The following NVL variants were observed in gnomAD, a reference collection of about 807,000 sequenced individuals.
NVL encodes the protein nuclear valosin-containing protein-like.
A neutral mutation model predicts 110.2 loss-of-function variants in NVL; 84 were observed. The observed-to-expected ratio is 0.76, with a 90% CI of 0.64 to 0.91. NVL has a LOEUF of 0.91. Among genes scored for constraint, NVL ranks in the 40% least tolerant of loss-of-function variants. The pLI is 0.00. For synonymous variants in NVL, 354 were observed against 361.1 expected (o/e 0.98, Z 0.22); for missense variants, 882 against 1,035.9 (o/e 0.85, Z 2.04).
intron 2 of NVL, among the ~76,000 whole-genome samples, chr1:224,319,905 T>G (rs1431428814): frequency 6.6e-6 from 1 of 152,124 alleles, no homozygotes; most frequent in Admixed American, 6.6e-5. Context: ...GCTTCTTTGG[T>G]TTTCCTTCCA....
At chr1:224,274,058 A>ACACACACACACACACC (rs569757319) in intron 17 of NVL, among the ~76,000 whole-genome samples, 37 of 151,452 alleles carry the variant, frequency 2.4e-4, no homozygotes, top group Middle Eastern at 3.2e-3. Flanking sequence ...ACACACACAC[A>ACACACACACACACACC]CCCATATTGA....
At chr1:224,300,467 G>A in intron 10 of NVL, 95 bp downstream of exon 10, 1 of 727,462 alleles carries the variant, frequency 1.4e-6, no homozygotes, top group Non-Finnish European at 2.2e-6. Flanking sequence ...AATGGCCAGT[G>A]AGTGGGTTAA....
At position 224,251,207 on chromosome 1, in the gene NVL, G is replaced by C. The variant is rs574466416; in HGVS notation, c.2183-889C>G. Among the ~76,000 whole-genome samples the C allele has an allele frequency of 4.1e-5, 6 of 145,928 alleles. No individual in the cohort carries two copies. The South Asian group carries it at 1.3e-3, about 32-fold the overall frequency. ...GAAAATTGCTTGAGCCTGGGAGATG[G>C]AGGTTGCAGTGAGCTGAGATCGTGC... On this transcript the variant is annotated intron_variant, in intron 18 of 22. Coordinates refer to ENST00000281701, the MANE Select transcript of NVL (RefSeq NM_002533.4).
intron 19 of NVL, among the ~76,000 whole-genome samples, chr1:224,249,375 C>T (rs1662211578): frequency 6.6e-6 from 1 of 152,176 alleles, no homozygotes; most frequent in Admixed American, 6.5e-5. Context: ...ATCCACCTGC[C>T]TTGGCTTCCC....
At chr1:224,320,600 T>C (rs1055658550) in intron 2 of NVL, among the ~76,000 whole-genome samples, 6 of 150,794 alleles carry the variant, frequency 4.0e-5, no homozygotes, top group Non-Finnish European at 8.8e-5. Context: ...TGGGCAGACA[T>C]CACACCACCA....
At chr1:224,282,405 G>C (rs1324141450) in intron 15 of NVL, among the ~76,000 whole-genome samples, 1 of 152,154 alleles carries the variant, frequency 6.6e-6, no homozygotes, top group Non-Finnish European at 1.5e-5. Context: ...TATAGCCCTA[G>C]TTTGGAATTC....
chr1:224,297,788 C>T (rs2102671729), intron 10 of NVL: 1 of 152,970 alleles, frequency 6.5e-6, no homozygotes, highest in Admixed American at 6.5e-5. Flanking sequence ...TGGCTCATGC[C>T]TGTAATCCCA....
chr1:224,231,135 A>G (rs1285804655), intron 22 of NVL, 91 bp downstream of exon 22: 1 of 751,462 alleles, frequency 1.3e-6, no homozygotes, highest in Non-Finnish European at 2.1e-6. Flanking sequence ...TCCGTCTCAA[A>G]AAAAAAAAAA....
At chr1:224,253,205 C>G (rs1463907678) in intron 18 of NVL, among the ~76,000 whole-genome samples, 1 of 151,716 alleles carries the variant, frequency 6.6e-6, no homozygotes, top group Non-Finnish European at 1.5e-5. Flanking sequence ...CCCCTGCCCC[C>G]CACGCCCGGC....
intron 20 of NVL, among the ~76,000 whole-genome samples, chr1:224,234,221 C>T (rs1471471748): frequency 1.3e-5 from 2 of 152,118 alleles, no homozygotes; most frequent in Non-Finnish European, 2.9e-5. Flanking sequence ...TGAGTCAGCA[C>T]AGTTCTGAGT....
intron 10 of NVL, among the ~76,000 whole-genome samples, chr1:224,299,602 G>A (rs1052175023): frequency 6.6e-6 from 1 of 152,142 alleles, no homozygotes; most frequent in African/African-American, 2.4e-5. Context: ...TATTCATCGT[G>A]TTTACCATAC....
intron 1 of NVL, among the ~76,000 whole-genome samples, chr1:224,329,831 G>C (rs1671507074): frequency 6.6e-6 from 1 of 152,088 alleles, no homozygotes; most frequent in Non-Finnish European, 1.5e-5. Context: ...CAGACAACTT[G>C]GGCAGCCCTA....
chr1:224,330,020 T>C, intron 1 of NVL, 51 bp downstream of exon 1: 1 of 1,582,170 alleles, frequency 6.3e-7, no homozygotes. Context: ...AGTGGCACCC[T>C]GGGGCAGCGA....
intron 12 of NVL, among the ~76,000 whole-genome samples, chr1:224,291,551 A>T (rs1667380888): frequency 1.3e-5 from 2 of 152,180 alleles, no homozygotes; most frequent in Admixed American, 1.3e-4. Flanking sequence ...TTACTGACAA[A>T]TTTTTTAAAA....
chr1:224,287,711 G>A, intron 14 of NVL, 64 bp downstream of exon 14: 1 of 1,380,420 alleles, frequency 7.2e-7, no homozygotes. Context: ...ACACATGCAT[G>A]GAGCTTTATC....
chr1:224,256,109 T>C (rs1412874796), intron 18 of NVL, among the ~76,000 whole-genome samples: 1 of 152,128 alleles, frequency 6.6e-6, no homozygotes, highest in Non-Finnish European at 1.5e-5. Context: ...TACCATGCCG[T>C]TGAAACATCT....
At position 224,306,675 on chromosome 1, in the gene NVL, T is replaced by C. The variant is rs371900827; in HGVS notation, c.615+1316A>G. Among the ~76,000 whole-genome samples the C allele has an allele frequency of 1.2e-4, 19 of 152,118 alleles. 1 individual carries two copies. The South Asian group carries it at 2.1e-3, about 17-fold the overall frequency. On this transcript the variant is annotated intron_variant, in intron 6 of 22. Transcript: ENST00000281701. The stretch of plus-strand genomic sequence containing the variant: ...GGCCAAACGCCATCTCTACAAAAAA[T>C]ACAAAACTTAGCCAGGTGTGGTGGT...
intron 6 of NVL, among the ~76,000 whole-genome samples, chr1:224,305,822 C>T (rs953034109): frequency 1.3e-5 from 2 of 152,366 alleles, no homozygotes; most frequent in East Asian, 1.9e-4. Context: ...GGATTACAGG[C>T]GTGAGCCGCC....
intron 11 of NVL, 26 bp from the exon 12 acceptor site, chr1:224,294,437 T>C (rs1274910706): frequency 1.4e-5 from 22 of 1,612,378 alleles, no homozygotes; most frequent in Non-Finnish European, 1.9e-5. Flanking sequence ...GAAAGAGTAG[T>C]GAACAAAGCA....
Sources: gnomAD v4.1 joint callset for allele counts (sites outside exome capture counted in the v4.1 genomes callset) on GRCh38, gnomAD v4.1.1 for gene constraint, MANE v1.5 for transcripts, NCBI Gene and HGNC (gene_info 2026-07-23, HGNC 2026-07-21) for gene names.